FEM1B: variants seen among roughly 807,000 people sequenced by gnomAD.
FEM1B encodes the protein fem-1 homolog B, also known as protein fem-1 homolog B.
FEM1B carries 10 observed loss-of-function variants against 38.6 expected under a neutral mutation model. That is an observed-to-expected ratio of 0.26 (90% CI 0.16 to 0.44). FEM1B has a LOEUF of 0.44. FEM1B is among the 20% of genes least tolerant of loss of function. The pLI, the probability that FEM1B is intolerant of heterozygous loss-of-function variation, is 1.00. For synonymous variants in FEM1B, 288 were observed against 288.0 expected (o/e 1.00, Z 0.00); for missense variants, 471 against 786.7 (o/e 0.60, Z 4.80).
At chr15:68,279,706 G>A (rs1459658088) in intron 1 of FEM1B, among the ~76,000 whole-genome samples, 3 of 152,084 alleles carry the variant, frequency 2.0e-5, no homozygotes, top group Admixed American at 2.0e-4. Flanking sequence ...AGATGACTAG[G>A]GAAATGTTCT....
chr15:68,282,863 C>A (rs1349060695), intron 1 of FEM1B, among the ~76,000 whole-genome samples: 1 of 152,086 alleles, frequency 6.6e-6, no homozygotes, highest in Non-Finnish European at 1.5e-5. Flanking sequence ...TATTGTAATT[C>A]TCTTTAATCT....
chr15:68,280,174 C>A lies in FEM1B; in HGVS notation c.248+1509C>A, dbSNP rs1017957834. 2.6e-4 allele frequency: 39 copies of A among 152,208 alleles called. No individual in the cohort carries two copies. The highest frequency in any genetic ancestry group is 9.2e-4 in the African/African-American group (38 of 41,530). 9.4% of individuals were successfully genotyped at this position (152,208 alleles called of 1,614,324 possible). ...TTTGCTTATTGCCATCTTTTTCAGT[C>A]GTCAAAGAGATGTTTTGAGGTGGCA... is the stretch of plus-strand genomic sequence containing the variant. On this transcript the variant is annotated intron_variant, in intron 1 of 1. Transcript: ENST00000306917. This position sits in a 1 kb window ranked among gnomAD's most constrained non-coding sequence, Gnocchi z 4.2.
Position 68,278,334 on chromosome 15 carries a change from T to G in FEM1B, c.-84T>G. ...TGAATGGGCTGTGAGGGCCCAGGTTTAAAGCGCTGGCGAACGCGGCCTCCG... is the reference window on the plus strand; with the variant it reads ...TGAATGGGCTGTGAGGGCCCAGGTTGAAAGCGCTGGCGAACGCGGCCTCCG... On this transcript the variant is annotated 5_prime_UTR_variant, in exon 1 of 2. The change creates a premature stop within an existing upstream ORF in the 5' untranslated region. Coordinates refer to ENST00000306917, the MANE Select transcript of FEM1B (RefSeq NM_015322.5). The surrounding 1 kb of genome is among the most constrained non-coding windows in gnomAD (Gnocchi z 5.7). 6.6e-7 allele frequency: 1 copy of G among 1,509,536 alleles called. No homozygotes were observed. 93.5% of individuals were successfully genotyped at this position (1,509,536 alleles called of 1,614,324 possible). A position where few individuals can be genotyped will look rare whatever the true frequency, so the allele number is the denominator to read the frequency against.
rs1036453724 is a variant in FEM1B, at chr15:68,284,584, T to C, written c.249-5023T>C. Among the ~76,000 whole-genome samples the C allele has an allele frequency of 5.3e-5, 8 of 152,334 alleles. No individual in the cohort carries two copies. The highest frequency in any genetic ancestry group is 5.9e-5 in the Non-Finnish European group (4 of 68,036). On this transcript the variant is annotated intron_variant, in intron 1 of 1. Coordinates refer to ENST00000306917, the MANE Select transcript of FEM1B (RefSeq NM_015322.5). The surrounding 1 kb of genome is among the most constrained non-coding windows in gnomAD (Gnocchi z 4.4). ...GTGTACAATACTGTACAATGAATTT[T>C]TAATATGTTTACATCCATCTAGTCA...
chr15:68,295,163 A>G lies in FEM1B; in HGVS notation c.*3921A>G, dbSNP rs1219216552. 1 of 152,204 alleles carries G rather than the reference A, an allele frequency of 6.6e-6. No homozygotes were observed. The highest frequency in any genetic ancestry group is 1.5e-5 in the Non-Finnish European group (1 of 68,036). The allele number at this position is 152,204 out of a possible 1,614,324, so 9.4% of individuals were successfully genotyped here. On this transcript the variant is annotated 3_prime_UTR_variant, in exon 2 of 2. Coordinates refer to ENST00000306917, the MANE Select transcript of FEM1B (RefSeq NM_015322.5). ...GGTTTGTGGTGTGTACCTTTGTGTT[A>G]ATGTGTAGGGAAGAGACAGTGACTT...
At position 68,284,552 on chromosome 15, in the gene FEM1B, G is replaced by A. The variant is rs1892763442; in HGVS notation, c.249-5055G>A. On this transcript the variant is annotated intron_variant, in intron 1 of 1. Transcript: ENST00000306917. This position sits in a 1 kb window ranked among gnomAD's most constrained non-coding sequence, Gnocchi z 4.4. ...GTATATCATATCTAGTAAAGTACAT[G>A]AATCTTGTGTACAATACTGTACAAT... Among the ~76,000 whole-genome samples the A allele has an allele frequency of 6.6e-6, 1 of 152,010 alleles. No homozygotes were observed. The highest frequency in any genetic ancestry group is 1.5e-5 in the Non-Finnish European group (1 of 67,978).
At chr15:68,279,312 ATTACATC>A (rs1317398662) in intron 1 of FEM1B, among the ~76,000 whole-genome samples, 1 of 152,236 alleles carries the variant, frequency 6.6e-6, no homozygotes, top group Non-Finnish European at 1.5e-5. Context: ...CCATTCTTAA[ATTACATC>A]TTATCCCGTG....
In FEM1B at chr15:68,281,039, G is replaced by A. The variant is rs2140241861; in HGVS notation, c.248+2374G>A. Among the ~76,000 whole-genome samples, 1 of 152,324 alleles carries A rather than the reference G, an allele frequency of 6.6e-6. No homozygotes were observed. The highest frequency in any genetic ancestry group is 1.9e-4 in the East Asian group (1 of 5,190). ...CTCTGTGCATTCACACCTTCTGTGA[G>A]ATTATTTTGCAGTTTATCCCAGTCA... On this transcript the variant is annotated intron_variant, in intron 1 of 1. Coordinates refer to ENST00000306917, the MANE Select transcript of FEM1B (RefSeq NM_015322.5). The surrounding 1 kb of genome is among the most constrained non-coding windows in gnomAD (Gnocchi z 5.1).
chr15:68,286,523 T>C (rs1270111149), intron 1 of FEM1B, among the ~76,000 whole-genome samples: 2 of 152,080 alleles, frequency 1.3e-5, no homozygotes, highest in Non-Finnish European at 2.9e-5. Flanking sequence ...TGCTAGGATT[T>C]TCATTTGGTT....
rs1892757818 is a variant in FEM1B, at chr15:68,284,111, CCCACCT to C, written c.248+5448_248+5453del. On this transcript the variant is annotated intron_variant, in intron 1 of 1. Transcript: ENST00000306917. This position sits in a 1 kb window ranked among gnomAD's most constrained non-coding sequence, Gnocchi z 4.4. ...TGTTGGTCAGGCTGGTCTTGAACTA[CCCACCT>C]CAGGTGATCCACCCACCTTGGCCTC... is the stretch of plus-strand genomic sequence containing the variant. 6.6e-6 allele frequency among the ~76,000 whole-genome samples: 1 copy of C among 152,110 alleles called. No individual in the cohort carries two copies.
rs1227517415 is a variant in FEM1B at position 68,292,585 on chromosome 15, A to G, written c.*1343A>G. 24 of 152,192 alleles carry G rather than the reference A, an allele frequency of 1.6e-4. No individual in the cohort carries two copies. The allele number at this position is 152,192 out of a possible 1,614,324, so 9.4% of individuals were successfully genotyped here. On this transcript the variant is annotated 3_prime_UTR_variant, in exon 2 of 2. Transcript: ENST00000306917. Reference sequence around the variant, plus strand: ...ATCTGTAATTTTCTCTCTAGTGCCAAATGAATGCCTTAGCTACTCATAGTG... The same window carrying G: ...ATCTGTAATTTTCTCTCTAGTGCCAGATGAATGCCTTAGCTACTCATAGTG...
chr15:68,279,848 C>T (rs1399662488), intron 1 of FEM1B: 3 of 152,150 alleles, frequency 2.0e-5, no homozygotes, highest in Admixed American at 6.5e-5. Flanking sequence ...TCACGGGTAT[C>T]ACCATTATAC....
In FEM1B at chr15:68,290,094, C is replaced by A. The variant is rs148564851; in HGVS notation, c.736C>A (p.Arg246=). 3,220 of 1,614,130 alleles carry A rather than the reference C, an allele frequency of 2.0e-3. 5 individuals are homozygous for A. Among genetic ancestry groups the A allele is most frequent in the Non-Finnish European group, 2.4e-3 (2,867 of 1,180,020 alleles). Residue 246 remains arginine (R), a synonymous_variant, in exon 2 of 2, where the codon CGA becomes AGA. Coordinates refer to ENST00000306917, the MANE Select transcript of FEM1B (RefSeq NM_015322.5). This position sits in a 1 kb window ranked among gnomAD's most constrained non-coding sequence, Gnocchi z 9.7. ...GTTACTCTCTCATGCTGATTGCGAC[C>A]GAAGAAGTCGGATTGAAGCTTTGGA... ...ELLLSHADCD[R]RSRIEALELL...
intron 1 of FEM1B, among the ~76,000 whole-genome samples, chr15:68,279,003 TG>T (rs1416883485): frequency 2.0e-5 from 3 of 152,222 alleles, no homozygotes; most frequent in South Asian, 2.1e-4. Context: ...TTACTTTTAG[TG>T]GAACTGGTGA....
rs988291250 is a variant in FEM1B, at chr15:68,295,684, C to G, written c.*4442C>G. 1.3e-5 allele frequency: 2 copies of G among 152,084 alleles called. No individual in the cohort carries two copies. The allele number at this position is 152,084 out of a possible 1,614,324, so 9.4% of individuals were successfully genotyped here. On this transcript the variant is annotated 3_prime_UTR_variant, in exon 2 of 2. Transcript: ENST00000306917. ...AAACATAGTAAACTTGCTGACTGCA[C>G]CAGAGGTCCATTAGTGATTTATATA... is the stretch of plus-strand genomic sequence containing the variant.
intron 1 of FEM1B, among the ~76,000 whole-genome samples, chr15:68,279,769 T>C (rs777112138): frequency 1.3e-5 from 2 of 152,236 alleles, no homozygotes; most frequent in African/African-American, 2.4e-5. Flanking sequence ...TTCTTCTATT[T>C]TAGATGAGTG....
rs1245407268 is a variant in FEM1B at position 68,293,570 on chromosome 15, A to G, written c.*2328A>G. 1 of 152,148 alleles carries G rather than the reference A, an allele frequency of 6.6e-6. No homozygotes were observed. The highest frequency in any genetic ancestry group is 1.5e-5 in the Non-Finnish European group (1 of 68,014). The allele number at this position is 152,148 out of a possible 1,614,324, so 9.4% of individuals were successfully genotyped here. ...AGAACGAATTTGAAGACAGTGGAATAAACTATGAACTATGCTAATGGTAAT... is the reference window on the plus strand; with the variant it reads ...AGAACGAATTTGAAGACAGTGGAATGAACTATGAACTATGCTAATGGTAAT... On this transcript the variant is annotated 3_prime_UTR_variant, in exon 2 of 2. Transcript: ENST00000306917. The surrounding 1 kb of genome is among the most constrained non-coding windows in gnomAD (Gnocchi z 5.8).
chr15:68,291,114 GAAAT>G lies in FEM1B; in HGVS notation c.1758_1761del (p.Glu586AspfsTer7). ...AGACAAAAGTACAACTGGGGTATCT[GAAAT>G]ACTGCTTAAAACTCAAATGAAGATG... On this transcript the variant is annotated frameshift_variant, in exon 2 of 2. Coordinates refer to ENST00000306917, the MANE Select transcript of FEM1B (RefSeq NM_015322.5). LOFTEE classifies it high-confidence loss of function. The surrounding 1 kb of genome is among the most constrained non-coding windows in gnomAD (Gnocchi z 6.9). 1 of 1,614,104 alleles carries G rather than the reference GAAAT, an allele frequency of 6.2e-7. No individual in the cohort carries two copies. Among genetic ancestry groups the G allele is most frequent in the Non-Finnish European group, 8.5e-7 (1 of 1,180,004 alleles).
intron 1 of FEM1B, among the ~76,000 whole-genome samples, chr15:68,287,092 T>C (rs1031927381): frequency 6.6e-6 from 1 of 152,210 alleles, no homozygotes; most frequent in African/African-American, 2.4e-5. Flanking sequence ...GGTTTCACCA[T>C]GTTGGCCAGG....
Sources: allele counts gnomAD v4.1 joint callset (sites outside exome capture counted in the v4.1 genomes callset), GRCh38; gene constraint gnomAD v4.1.1; non-coding constraint Gnocchi (gnomAD v3.1); transcripts MANE v1.5; gene names NCBI Gene and HGNC (gene_info 2026-07-23, HGNC 2026-07-21).